Variants in MPPED2 observed in about 807,000 individuals in gnomAD.
MPPED2 encodes the protein metallophosphoesterase MPPED2.
MPPED2 carries 5 observed loss-of-function variants against 33.0 expected under a neutral mutation model. The ratio of observed to expected loss-of-function variants is 0.15; its 90% CI spans 0.08 to 0.32. The LOEUF is 0.32. MPPED2 is among the 10% of genes least tolerant of loss of function. MPPED2 has a pLI of 1.00. For missense variants in MPPED2, 275 were observed against 372.1 expected (o/e 0.74, Z 2.15); for synonymous variants, 136 against 141.9 (o/e 0.96, Z 0.29).
intron 3 of MPPED2, chr11:30,504,774 C>T: frequency 7.8e-7 from 1 of 1,289,054 alleles, no homozygotes; most frequent in Non-Finnish European, 1.0e-6. Flanking sequence ...CAGACTGCTA[C>T]CTTCTCCTCT....
chr11:30,537,367 T>G (rs1217215625), intron 2 of MPPED2, among the ~76,000 whole-genome samples: 1 of 152,148 alleles, frequency 6.6e-6, no homozygotes, highest in Non-Finnish European at 1.5e-5. Context: ...AGGAACAATA[T>G]TTCATATCCC....
intron 1 of MPPED2, among the ~76,000 whole-genome samples, chr11:30,585,448 C>T (rs1052396217): frequency 2.0e-5 from 3 of 152,118 alleles, no homozygotes; most frequent in Non-Finnish European, 4.4e-5. Context: ...GCCTTCCCCT[C>T]GTCACTGCAC....
chr11:30,420,325 T>C (rs1310180130), intron 4 of MPPED2, among the ~76,000 whole-genome samples: 2 of 152,144 alleles, frequency 1.3e-5, no homozygotes, highest in Admixed American at 6.6e-5. Flanking sequence ...GGGCAACCTG[T>C]AGAAGCTGGA....
At chr11:30,447,954 TATTTAC>T (rs1254167065) in intron 4 of MPPED2, among the ~76,000 whole-genome samples, 1 of 152,154 alleles carries the variant, frequency 6.6e-6, no homozygotes, top group Non-Finnish European at 1.5e-5. Context: ...ATAAAATTCA[TATTTAC>T]ACCAAGGACA....
chr11:30,429,776 C>T (rs1177622698), intron 4 of MPPED2, among the ~76,000 whole-genome samples: 1 of 152,158 alleles, frequency 6.6e-6, no homozygotes, highest in Non-Finnish European at 1.5e-5. Flanking sequence ...TCACTGAGCC[C>T]TCAAGGCTCA....
At position 30,458,920 on chromosome 11, in the gene MPPED2, T is replaced by C. The variant is rs1443772563; in HGVS notation, c.536+36376A>G. 1.3e-3 allele frequency among the ~76,000 whole-genome samples: 139 copies of C among 108,422 alleles called. 2 individuals carry two copies. The highest frequency in any genetic ancestry group is 4.6e-3 in the African/African-American group (131 of 28,302). The allele number at this position is 108,422 out of a possible 152,430, so 71.1% of individuals were successfully genotyped here. A position where few individuals can be genotyped will look rare whatever the true frequency, so the allele number is the denominator to read the frequency against. On this transcript the variant is annotated intron_variant, in intron 4 of 6. Coordinates refer to ENST00000358117, the MANE Select transcript of MPPED2 (RefSeq NM_001584.3). ...AGGACAATTTTGCACAGTTCTTTTTTTTTTTTTTTTTTTTTTTTTTTTTGA... is the reference window on the plus strand; with the variant it reads ...AGGACAATTTTGCACAGTTCTTTTTCTTTTTTTTTTTTTTTTTTTTTTTGA...
At chr11:30,470,753 C>T (rs1302967563) in intron 4 of MPPED2, among the ~76,000 whole-genome samples, 1 of 152,182 alleles carries the variant, frequency 6.6e-6, no homozygotes, top group African/African-American at 2.4e-5. Flanking sequence ...CTTATTTCTA[C>T]TTCCAGACTC....
At position 30,411,120 on chromosome 11, in the gene MPPED2, G is replaced by C. The variant is rs1462649532; in HGVS notation, c.*348C>G. The C allele has an allele frequency of 1.0e-6, 1 of 993,802 alleles. No individual in the cohort carries two copies. The highest frequency in any genetic ancestry group is 6.0e-5 in the Admixed American group (1 of 16,658). 61.6% of individuals were successfully genotyped at this position (993,802 alleles called of 1,614,324 possible). A position where few individuals can be genotyped will look rare whatever the true frequency, so the allele number is the denominator to read the frequency against. ...TGTGTTGGTTTTTAAAACACTGCCTGTTTCTTATTTTTTTTTCTTTCAGCT... is the reference window on the plus strand; with the variant it reads ...TGTGTTGGTTTTTAAAACACTGCCTCTTTCTTATTTTTTTTTCTTTCAGCT... On this transcript the variant is annotated 3_prime_UTR_variant, in exon 7 of 7. Transcript: ENST00000358117.
rs75712692 is a variant in MPPED2 at position 30,392,921 on chromosome 11, C to T, written c.767-3965G>A. 2.2e-3 allele frequency among the ~76,000 whole-genome samples: 338 copies of T among 152,226 alleles called. 2 individuals are homozygous for T. Among genetic ancestry groups the T allele is most frequent in the African/African-American group, 7.7e-3 (319 of 41,544 alleles). ...CTAGCTTCTTTCCAAACACTTTATC[C>T]GGTATCTTGCCTTCTATGCTTGGGT... On this transcript the variant is annotated intron_variant, in intron 6 of 6. Coordinates refer to the MPPED2 transcript ENST00000448418.
chr11:30,534,508 C>A (rs1954703574), intron 3 of MPPED2, among the ~76,000 whole-genome samples: 1 of 152,114 alleles, frequency 6.6e-6, no homozygotes, highest in Non-Finnish European at 1.5e-5. Context: ...TTTAAAATAT[C>A]TTGCCATTTT....
chr11:30,578,806 G>A (rs1211290230), intron 2 of MPPED2, among the ~76,000 whole-genome samples: 1 of 152,070 alleles, frequency 6.6e-6, no homozygotes, highest in Non-Finnish European at 1.5e-5. Context: ...AATAGAAACA[G>A]TAGAATAAAA....
intron 6 of MPPED2, among the ~76,000 whole-genome samples, chr11:30,393,959 C>T (rs1020549001): frequency 6.6e-6 from 1 of 152,190 alleles, no homozygotes; most frequent in African/African-American, 2.4e-5. Context: ...GCTTTGCCCC[C>T]ATCCTAACCC....
intron 4 of MPPED2, among the ~76,000 whole-genome samples, chr11:30,491,640 C>T (rs1951986349): frequency 6.6e-6 from 1 of 152,178 alleles, no homozygotes; most frequent in Non-Finnish European, 1.5e-5. Context: ...AGAGATGAAA[C>T]AGAGGCAGGC....
At chr11:30,506,722 A>T (rs1440537536) in intron 3 of MPPED2, among the ~76,000 whole-genome samples, 1 of 152,218 alleles carries the variant, frequency 6.6e-6, no homozygotes, top group Non-Finnish European at 1.5e-5. Context: ...AAAAGAAATA[A>T]CCATTTTAGA....
At chr11:30,424,669 C>T (rs1026264888) in intron 4 of MPPED2, among the ~76,000 whole-genome samples, 11 of 152,094 alleles carry the variant, frequency 7.2e-5, no homozygotes, top group African/African-American at 2.7e-4. Flanking sequence ...GGCCCCTGCT[C>T]CCTCCCCTCC....
At chr11:30,523,767 A>G (rs1954006675) in intron 3 of MPPED2, among the ~76,000 whole-genome samples, 1 of 151,654 alleles carries the variant, frequency 6.6e-6, no homozygotes, top group Admixed American at 6.6e-5. Flanking sequence ...AGCTGGGATT[A>G]CAGGCATGCA....
Position 30,411,400 on chromosome 11 carries a change from T to C in MPPED2, c.*68A>G, listed in dbSNP as rs1225052861. 6.6e-7 allele frequency: 1 copy of C among 1,513,784 alleles called. No individual in the cohort carries two copies. Among genetic ancestry groups the C allele is most frequent in the East Asian group, 2.3e-5 (1 of 43,900 alleles). 93.8% of individuals were successfully genotyped at this position (1,513,784 alleles called of 1,614,324 possible). A position where few individuals can be genotyped will look rare whatever the true frequency, so the allele number is the denominator to read the frequency against. ...GGGTTTGTAAATAAGTAAGAGAATG[T>C]AAGTTTATAATTAGAAAAATGGCAG... On this transcript the variant is annotated 3_prime_UTR_variant, in exon 7 of 7. Coordinates refer to ENST00000358117, the MANE Select transcript of MPPED2 (RefSeq NM_001584.3).
intron 2 of MPPED2, among the ~76,000 whole-genome samples, chr11:30,541,291 A>G (rs921655602): frequency 6.6e-6 from 1 of 152,176 alleles, no homozygotes; most frequent in Non-Finnish European, 1.5e-5. Context: ...AAATATGATA[A>G]TATTATGGCT....
intron 4 of MPPED2, among the ~76,000 whole-genome samples, chr11:30,440,815 G>C (rs1461079797): frequency 6.6e-6 from 1 of 152,156 alleles, no homozygotes; most frequent in Non-Finnish European, 1.5e-5. Flanking sequence ...AGTCCTATCA[G>C]CTCAGAGTTA....
Sources: allele counts gnomAD v4.1 joint callset (sites outside exome capture counted in the v4.1 genomes callset), GRCh38; gene constraint gnomAD v4.1.1; transcripts MANE v1.5; gene names NCBI Gene and HGNC (gene_info 2026-07-23, HGNC 2026-07-21).